Variants in SNTG1 observed in about 807,000 individuals in gnomAD.
SNTG1 encodes the protein gamma-1-syntrophin.
SNTG1 carries 39 observed loss-of-function variants against 74.7 expected under a neutral mutation model. The observed-to-expected ratio is 0.52, with a 90% CI of 0.40 to 0.68. The LOEUF is 0.68. Among genes scored for constraint, SNTG1 ranks in the 30% least tolerant of loss-of-function variants. The pLI is 0.00. For missense variants in SNTG1, 685 were observed against 609.5 expected, an observed-to-expected ratio of 1.12 and a Z score of -1.30; for synonymous variants, 254 against 217.1, an observed-to-expected ratio of 1.17 and a Z score of -1.49.
chr8:50,490,402 T>G (rs564853662), intron 8 of SNTG1, among the ~76,000 whole-genome samples: 1 of 152,324 alleles, frequency 6.6e-6, no homozygotes, highest in East Asian at 1.9e-4. Flanking sequence ...CCTATCCATG[T>G]GCATGGAATG....
chr8:50,038,145 T>C (rs1818317807), intron 1 of SNTG1, among the ~76,000 whole-genome samples: 1 of 152,180 alleles, frequency 6.6e-6, no homozygotes, highest in Non-Finnish European at 1.5e-5. Flanking sequence ...TGCTTGACAA[T>C]TGCCCATAGG....
At chr8:50,416,940 C>T (rs529300965) in intron 4 of SNTG1, among the ~76,000 whole-genome samples, 4 of 152,138 alleles carry the variant, frequency 2.6e-5, no homozygotes, top group Non-Finnish European at 4.4e-5. Context: ...ACTGTCTTTG[C>T]TTCAAATGTC....
Position 50,755,229 on chromosome 8 carries a change from C to A in SNTG1, c.1395+3118C>A, listed in dbSNP as rs200715832. Among the ~76,000 whole-genome samples, 30 of 151,906 alleles carry A rather than the reference C, an allele frequency of 2.0e-4. No homozygotes were observed. In the East Asian group the frequency reaches 4.9e-3, roughly 25 times the overall value. ...TTATAGTATCATAGTCGTTTCACTA[C>A]CCTAAACATCTTTTGAGCTCTTCCT... On this transcript the variant is annotated intron_variant, in intron 18 of 18. Coordinates refer to ENST00000642720, the MANE Select transcript of SNTG1 (RefSeq NM_018967.5).
chr8:50,710,912 T>C (rs2095459772), intron 17 of SNTG1, among the ~76,000 whole-genome samples: 1 of 152,232 alleles, frequency 6.6e-6, no homozygotes, highest in South Asian at 2.1e-4. Context: ...TTTCTGATTC[T>C]TTCATTGGAA....
intron 2 of SNTG1, among the ~76,000 whole-genome samples, chr8:50,219,571 A>G (rs1477917851): frequency 6.6e-6 from 1 of 152,292 alleles, no homozygotes; most frequent in East Asian, 1.9e-4. Context: ...ATCATATGGG[A>G]AGTCAAAGGG....
At chr8:50,165,864 C>T (rs2082596357) in intron 1 of SNTG1, among the ~76,000 whole-genome samples, 1 of 152,002 alleles carries the variant, frequency 6.6e-6, no homozygotes, top group South Asian at 2.1e-4. Flanking sequence ...TACCTGACTT[C>T]AAACTATACT....
At chr8:50,689,442 G>A (rs1382900321) in intron 15 of SNTG1, among the ~76,000 whole-genome samples, 1 of 152,132 alleles carries the variant, frequency 6.6e-6, no homozygotes, top group Non-Finnish European at 1.5e-5. Flanking sequence ...AGTTTATTGA[G>A]AGTTTTTAGC....
At chr8:50,117,296 C>A (rs2080856370) in intron 1 of SNTG1, among the ~76,000 whole-genome samples, 1 of 151,966 alleles carries the variant, frequency 6.6e-6, no homozygotes. Context: ...ATGTAATTTA[C>A]TATAATTTTA....
At chr8:50,322,688 A>G (rs1471761768) in intron 2 of SNTG1, among the ~76,000 whole-genome samples, 1 of 151,450 alleles carries the variant, frequency 6.6e-6, no homozygotes, top group Non-Finnish European at 1.5e-5. Context: ...TTTTGGGGTT[A>G]TTTTCTAGAT....
In SNTG1 at chr8:50,709,098, C is replaced by T. The variant is rs574242463; in HGVS notation, c.1284+120C>T. 4.1e-5 allele frequency: 31 copies of T among 758,638 alleles called. No individual in the cohort carries two copies. The South Asian group carries it at 4.7e-4, about 12-fold the overall frequency. The allele number at this position is 758,638 out of a possible 1,614,324, so 47.0% of individuals were successfully genotyped here. A position where few individuals can be genotyped will look rare whatever the true frequency, so the allele number is the denominator to read the frequency against. The stretch of plus-strand genomic sequence containing the variant: ...GTAATCGTGTCAAATTTAAGATCTT[C>T]GTTTTTGTTAATGGAAGATAAATTA... On this transcript the variant is annotated intron_variant, in intron 17 of 18. Coordinates refer to ENST00000642720, the MANE Select transcript of SNTG1 (RefSeq NM_018967.5).
chr8:50,036,269 G>T, intron 1 of SNTG1, among the ~76,000 whole-genome samples: 1 of 152,148 alleles, frequency 6.6e-6, no homozygotes, highest in East Asian at 1.9e-4. Context: ...ATAAGAAAAT[G>T]ACAACTATGA....
intron 18 of SNTG1, among the ~76,000 whole-genome samples, chr8:50,753,679 G>A (rs2095573232): frequency 6.6e-6 from 1 of 151,748 alleles, no homozygotes; most frequent in Non-Finnish European, 1.5e-5. Flanking sequence ...ATTCATTCTT[G>A]TAATTTTTGT....
intron 2 of SNTG1, among the ~76,000 whole-genome samples, chr8:50,390,861 GCTCT>G (rs921174889): frequency 1.3e-5 from 2 of 151,918 alleles, no homozygotes; most frequent in Non-Finnish European, 2.9e-5. Flanking sequence ...TCTTTATTTG[GCTCT>G]CTGTTTGTCT....
chr8:50,131,905 T>C (rs908354051), intron 1 of SNTG1, among the ~76,000 whole-genome samples: 2 of 152,060 alleles, frequency 1.3e-5, no homozygotes, highest in Non-Finnish European at 2.9e-5. Context: ...GATGATATCT[T>C]ACTGTGGTTT....
chr8:50,532,940 T>G (rs1305193880), intron 10 of SNTG1, among the ~76,000 whole-genome samples: 1 of 152,224 alleles, frequency 6.6e-6, no homozygotes, highest in Non-Finnish European at 1.5e-5. Context: ...GTAGGTATTA[T>G]TCTGGTTTTC....
intron 1 of SNTG1, among the ~76,000 whole-genome samples, chr8:50,021,578 A>T (rs919266170): frequency 6.6e-6 from 1 of 152,142 alleles, no homozygotes; most frequent in African/African-American, 2.4e-5. Context: ...TCAATCCTGT[A>T]TCATGGTGCT....
intron 12 of SNTG1, among the ~76,000 whole-genome samples, chr8:50,561,466 T>G (rs577225301): frequency 6.6e-6 from 1 of 152,212 alleles, no homozygotes. Flanking sequence ...AAAGAAAGGT[T>G]TGTAGCTTTG....
chr8:49,970,410 A>C (rs1297748667), intron 1 of SNTG1, among the ~76,000 whole-genome samples: 1 of 152,148 alleles, frequency 6.6e-6, no homozygotes, highest in African/African-American at 2.4e-5. Flanking sequence ...CACTCTTTTT[A>C]ATTCATTCAA....
chr8:50,135,885 T>C (rs1373161975), intron 1 of SNTG1, among the ~76,000 whole-genome samples: 1 of 152,172 alleles, frequency 6.6e-6, no homozygotes, highest in Admixed American at 6.6e-5. Flanking sequence ...GATAGTTTTT[T>C]GATCCTCACC....
Sources: allele counts gnomAD v4.1 joint callset (sites outside exome capture counted in the v4.1 genomes callset), GRCh38; gene constraint gnomAD v4.1.1; transcripts MANE v1.5; gene names NCBI Gene and HGNC (gene_info 2026-07-23, HGNC 2026-07-21).